The following TIGD6 variants were observed in gnomAD, a reference collection of about 807,000 sequenced individuals.
TIGD6 encodes the protein tigger transposable element derived 6, also known as tigger transposable element-derived protein 6.
TIGD6 carries 1 observed loss-of-function variant against 2.6 expected under a neutral mutation model. The observed-to-expected ratio is 0.39, with a 90% CI of 0.14 to 1.85. The LOEUF is 1.85. TIGD6 is among the 40% of genes most tolerant of loss of function. The probability of loss-of-function intolerance (pLI) is 0.32; values close to 1 mark genes in which losing one functional copy is unlikely to be tolerated. For missense variants in TIGD6, 601 were observed against 634.2 expected, an observed-to-expected ratio of 0.95 and a Z score of 0.56; for synonymous variants, 193 against 221.9, an observed-to-expected ratio of 0.87 and a Z score of 1.16.
chr5:149,995,745 CT>C lies in TIGD6; in HGVS notation c.603del (p.Gly203AlafsTer8). 4 of 1,614,234 alleles carry C rather than the reference CT, an allele frequency of 2.5e-6. No homozygotes were observed. The highest frequency in any genetic ancestry group is 2.2e-5 in the South Asian group (2 of 91,078). ...AACCGCTGCTTTGCTTTCTTGCCCCCTCTACAGTGGTCTCCTTTAGCAGCAA... is the reference window on the plus strand; with the variant it reads ...AACCGCTGCTTTGCTTTCTTGCCCCCCTACAGTGGTCTCCTTTAGCAGCAA... Reference protein sequence around the residue: ...HTLAAKGDHCRGGKKAKQRLT... With the variant: ...HTLAAKGDHCXGGKKAKQRLT... On this transcript the variant is annotated frameshift_variant, in exon 2 of 2. Coordinates refer to ENST00000296736, the MANE Select transcript of TIGD6 (RefSeq NM_030953.4). LOFTEE classifies it low-confidence loss of function (END_TRUNC).
Position 149,995,253 on chromosome 5 carries a change from A to G in TIGD6, c.1096T>C (p.Ser366Pro). 1 of 1,614,228 alleles carries G rather than the reference A, an allele frequency of 6.2e-7. No homozygotes were observed. The highest frequency in any genetic ancestry group is 8.5e-7 in the Non-Finnish European group (1 of 1,180,048). The change falls in exon 2 of 2, where the codon TCC (serine) becomes CCC (proline). Residue 366 changes from serine (S) to proline (P), a missense_variant. Coordinates refer to ENST00000296736, the MANE Select transcript of TIGD6 (RefSeq NM_030953.4). ...TTCTGCCAACATTTCACCACTGTGG[A>G]TGGCTTGACTGACCACCACGCTGCA... ...IAAAWWSVKP[S>P]TVVKCWQKAG...
intron 1 of TIGD6, among the ~76,000 whole-genome samples, chr5:149,998,826 GC>G (rs1755462563): frequency 6.6e-6 from 1 of 152,172 alleles, no homozygotes; most frequent in Non-Finnish European, 1.5e-5. Context: ...GGAGCATAGT[GC>G]CCACCTTTGA....
rs1274354526 is a variant in TIGD6 at position 149,994,893 on chromosome 5, T to C, written c.1456A>G (p.Ile486Val). The C allele has an allele frequency of 1.2e-6, 2 of 1,611,042 alleles. No individual in the cohort carries two copies. Among genetic ancestry groups the C allele is most frequent in the Non-Finnish European group, 8.5e-7 (1 of 1,177,744 alleles). ...AATTGTCCAAAAATGGCATCAGGAA[T>C]GTCTACACAAGTGGAAAGGAACTGT... ...LRQFLSTCVDIPDAIFGQLNG... is the reference protein window; with the variant it reads ...LRQFLSTCVDVPDAIFGQLNG... Residue 486 changes from isoleucine (I) to valine (V), a missense_variant, in exon 2 of 2, where the codon ATT becomes GTT. Coordinates refer to ENST00000296736, the MANE Select transcript of TIGD6 (RefSeq NM_030953.4).
In TIGD6 at chr5:149,998,062, G is replaced by A. The variant is rs144755421; in HGVS notation, c.-81-1633C>T. ...CAAGAATCGCTTGAACCCAGGAGGC[G>A]GAGGTTGCAGTGGGCCAAGATCACA... On this transcript the variant is annotated intron_variant, in intron 1 of 1. Coordinates refer to ENST00000296736, the MANE Select transcript of TIGD6 (RefSeq NM_030953.4). 6.4e-3 allele frequency among the ~76,000 whole-genome samples: 976 copies of A among 152,312 alleles called. 17 individuals are homozygous for A. The highest frequency in any genetic ancestry group is 0.022 in the African/African-American group (902 of 41,568).
At position 149,995,506 on chromosome 5, in the gene TIGD6, CAAGAGG is replaced by C; in HGVS notation, c.837_842del (p.Ile279_Leu281delinsMet). 1 of 1,614,254 alleles carries C rather than the reference CAAGAGG, an allele frequency of 6.2e-7. No individual in the cohort carries two copies. The highest frequency in any genetic ancestry group is 8.5e-7 in the Non-Finnish European group (1 of 1,180,040). Reference sequence around the variant, plus strand: ...TATGAGCAGAGCAGTTGTCTATGAGCAAGAGGATCCGGCGTTCCGCCCTCTTCATCC... The same window carrying C: ...TATGAGCAGAGCAGTTGTCTATGAGCATCCGGCGTTCCGCCCTCTTCATCC... On this transcript the variant is annotated inframe_deletion, in exon 2 of 2. Coordinates refer to ENST00000296736, the MANE Select transcript of TIGD6 (RefSeq NM_030953.4).
Position 149,995,603 on chromosome 5 carries a change from C to T in TIGD6, c.746G>A (p.Arg249Gln), listed in dbSNP as rs148743738. The stretch of plus-strand genomic sequence containing the variant: ...TGTCATCCAAGCCCACTGGTTGGCT[C>T]GGTAATCACAAGGGAGGGAATGAAT... Reference protein sequence around the residue: ...KNIHSLPCDYRANQWAWMTRD... With the variant: ...KNIHSLPCDYQANQWAWMTRD... The change falls in exon 2 of 2, where the codon CGA (arginine) becomes CAA (glutamine). Residue 249 changes from arginine to glutamine, a missense_variant. Coordinates refer to ENST00000296736, the MANE Select transcript of TIGD6 (RefSeq NM_030953.4). The T allele has an allele frequency of 2.2e-5, 35 of 1,614,218 alleles. No homozygotes were observed. Among genetic ancestry groups the T allele is most frequent in the South Asian group, 1.9e-4 (17 of 91,082 alleles).
intron 1 of TIGD6, among the ~76,000 whole-genome samples, chr5:149,998,119 C>T (rs1313603790): frequency 1.3e-5 from 2 of 150,664 alleles, no homozygotes; most frequent in Admixed American, 1.4e-4. Flanking sequence ...ACAGAGCGAG[C>T]CTCCATCTCA....
chr5:149,993,940 G>A lies in TIGD6; in HGVS notation c.*843C>T, dbSNP rs973078. 0.071 allele frequency: 8,896 copies of A among 126,058 alleles called. 517 individuals are homozygous for A. The highest frequency in any genetic ancestry group is 0.2 in the Admixed American group (2,922 of 14,268). 7.8% of individuals were successfully genotyped at this position (126,058 alleles called of 1,614,324 possible). On this transcript the variant is annotated 3_prime_UTR_variant, in exon 2 of 2. Coordinates refer to ENST00000296736, the MANE Select transcript of TIGD6 (RefSeq NM_030953.4). ...TTTAAAAACAAACAAACAAACAAAC[G>A]AACGAACAAACAGAAGTCTTGTAGT...
rs745523369 is a variant in TIGD6, at chr5:149,996,171, C to A, written c.178G>T (p.Glu60Ter). 9 of 1,614,082 alleles carry A rather than the reference C, an allele frequency of 5.6e-6. No homozygotes were observed. In the African/African-American group the frequency reaches 9.3e-5, roughly 17 times the overall value. Reference protein sequence around the residue: ...DRTKFEEKVREASVGPQRKRM... With the variant: ...DRTKFEEKVR ...TTCCGCTGGGGTCCCACGGATGCCT[C>A]CCGCACCTTTTCTTCAAATTTGGTG... Residue 60 changes from glutamate to a stop codon, truncating the protein, a stop_gained, in exon 2 of 2, where the codon GAG becomes TAG. Transcript: ENST00000296736. LOFTEE classifies it high-confidence loss of function.
At position 149,993,461 on chromosome 5, in the gene TIGD6, C is replaced by T. The variant is rs1755307076; in HGVS notation, c.*1322G>A. 1 of 152,222 alleles carries T rather than the reference C, an allele frequency of 6.6e-6. No homozygotes were observed. The highest frequency in any genetic ancestry group is 2.4e-5 in the African/African-American group (1 of 41,454). The allele number at this position is 152,222 out of a possible 1,614,324, so 9.4% of individuals were successfully genotyped here. A position where few individuals can be genotyped will look rare whatever the true frequency, so the allele number is the denominator to read the frequency against. On this transcript the variant is annotated 3_prime_UTR_variant, in exon 2 of 2. Coordinates refer to ENST00000296736, the MANE Select transcript of TIGD6 (RefSeq NM_030953.4). ...CTCTCTAATGAACTCTCTAATGATC[C>T]TCTCACCCTTTCTGGAAAGTGAGAG...
At chr5:149,996,536 TAAAGA>T (rs1755396253) in intron 1 of TIGD6, 107 bp from the exon 2 acceptor site, 19 of 783,568 alleles carry the variant, frequency 2.4e-5, no homozygotes, top group Non-Finnish European at 3.6e-5. Context: ...ACAGTCAAAG[TAAAGA>T]AAAGATAGGA....
Position 149,994,723 on chromosome 5 carries a change from C to A in TIGD6, c.*60G>T. ...CATTGCTTTACTTAAATTGGCTCAA[C>A]AACCTATCTAAAGAAATCTTTATTC... On this transcript the variant is annotated 3_prime_UTR_variant, in exon 2 of 2. Transcript: ENST00000296736. 6.9e-7 allele frequency: 1 copy of A among 1,449,680 alleles called. No individual in the cohort carries two copies. Among genetic ancestry groups the A allele is most frequent in the Non-Finnish European group, 9.1e-7 (1 of 1,095,340 alleles). 89.8% of individuals were successfully genotyped at this position (1,449,680 alleles called of 1,614,324 possible). A position where few individuals can be genotyped will look rare whatever the true frequency, so the allele number is the denominator to read the frequency against.
In TIGD6 at chr5:149,996,455, T is replaced by C. The variant is rs544989327; in HGVS notation, c.-81-26A>G. 1.9e-5 allele frequency: 27 copies of C among 1,441,630 alleles called. No homozygotes were observed. The African/African-American group carries it at 3.6e-4, about 19-fold the overall frequency. 89.3% of individuals were successfully genotyped at this position (1,441,630 alleles called of 1,614,324 possible). A position where few individuals can be genotyped will look rare whatever the true frequency, so the allele number is the denominator to read the frequency against. On this transcript the variant is annotated intron_variant, in intron 1 of 1. Coordinates refer to ENST00000296736, the MANE Select transcript of TIGD6 (RefSeq NM_030953.4). Reference sequence around the variant, plus strand: ...CTGAGAAGACAAAATGGAGTACCTATCAGGAAACAATGGATTTCCCCTAAA... The same window carrying C: ...CTGAGAAGACAAAATGGAGTACCTACCAGGAAACAATGGATTTCCCCTAAA...
chr5:149,995,069 A>C lies in TIGD6; in HGVS notation c.1280T>G (p.Leu427Arg). 1 of 1,614,236 alleles carries C rather than the reference A, an allele frequency of 6.2e-7. No individual in the cohort carries two copies. The highest frequency in any genetic ancestry group is 8.5e-7 in the Non-Finnish European group (1 of 1,180,050). Residue 427 changes from leucine to arginine, a missense_variant, in exon 2 of 2, where the codon CTC (leucine) becomes CGC (arginine). Leu to Arg is a moderately radical substitution (Grantham distance 102). Transcript: ENST00000296736. ...GATGTCTGTGTCCTGAGAGATAATG[A>C]GATCATCATCTGCAGTAACAAAGTC... is the stretch of plus-strand genomic sequence containing the variant. ...FQDFVTADDD[L>R]IISQDTDIIQ... is the part of the protein sequence containing the mutation.
At position 150,000,596 on chromosome 5, in the gene TIGD6, G is replaced by C. The variant is rs3812009; in HGVS notation, c.-204C>G. The C allele has an allele frequency of 0.84, 129,539 of 154,348 alleles. 54,841 individuals are homozygous for C. Among genetic ancestry groups the C allele is most frequent in the African/African-American group, 0.96 (39,878 of 41,634 alleles). 9.6% of individuals were successfully genotyped at this position (154,348 alleles called of 1,614,324 possible). On this transcript the variant is annotated 5_prime_UTR_variant, in exon 1 of 2. Transcript: ENST00000296736. The stretch of plus-strand genomic sequence containing the variant: ...GCAGTCCGTTCGCCTTACTAGACCC[G>C]CTCCAAGCCTTTGAGCAGTTCGTGT...
rs188088126 is a variant in TIGD6 at position 149,996,578 on chromosome 5, C to A, written c.-81-149G>T. The A allele has an allele frequency of 1.7e-4, 91 of 547,500 alleles. No individual in the cohort carries two copies. In the East Asian group the frequency reaches 2.1e-3, roughly 12 times the overall value. The allele number at this position is 547,500 out of a possible 1,614,324, so 33.9% of individuals were successfully genotyped here. On this transcript the variant is annotated intron_variant, in intron 1 of 1. Transcript: ENST00000296736. Reference sequence around the variant, plus strand: ...TCATGCTACTGACTTTTTGTAGAGGCTACTTGTAAAGACTCAGAATGTTTG... The same window carrying A: ...TCATGCTACTGACTTTTTGTAGAGGATACTTGTAAAGACTCAGAATGTTTG...
intron 1 of TIGD6, among the ~76,000 whole-genome samples, chr5:149,997,887 G>C (rs985391473): frequency 2.0e-5 from 3 of 152,164 alleles, no homozygotes; most frequent in African/African-American, 7.2e-5. Context: ...TGTGAACCCG[G>C]GAGGCGGAGC....
intron 1 of TIGD6, among the ~76,000 whole-genome samples, chr5:149,999,584 G>C (rs1370271791): frequency 1.3e-5 from 2 of 152,168 alleles, no homozygotes; most frequent in African/African-American, 2.4e-5. Flanking sequence ...CAGGTTTCTG[G>C]TTTGAGCACT....
rs1755379509 is a variant in TIGD6 at position 149,996,105 on chromosome 5, C to G, written c.244G>C (p.Val82Leu). ...TGGATTTCTTGAAACCAAGCAAAAA[C>G]AGCCTTATCAATGTCATCATAAAGA... ...SALYDDIDKA[V>L]FAWFQEIHAK... The change falls in exon 2 of 2, where the codon GTT (valine) becomes CTT (leucine). Residue 82 changes from valine to leucine, a missense_variant. Coordinates refer to ENST00000296736, the MANE Select transcript of TIGD6 (RefSeq NM_030953.4). The G allele has an allele frequency of 6.2e-7, 1 of 1,614,036 alleles. No homozygotes were observed. The highest frequency in any genetic ancestry group is 8.5e-7 in the Non-Finnish European group (1 of 1,180,032).
Sources: gnomAD v4.1 joint callset for allele counts (sites outside exome capture counted in the v4.1 genomes callset) on GRCh38, gnomAD v4.1.1 for gene constraint, MANE v1.5 for transcripts, NCBI Gene and HGNC (gene_info 2026-07-23, HGNC 2026-07-21) for gene names.